Variants in GMEB1 observed in about 807,000 individuals in gnomAD.
GMEB1 encodes the protein glucocorticoid modulatory element binding protein 1, also known as glucocorticoid modulatory element-binding protein 1.
GMEB1 carries 6 observed loss-of-function variants against 52.4 expected under a neutral mutation model. The ratio of observed to expected loss-of-function variants is 0.11; its 90% CI spans 0.06 to 0.23. The LOEUF is 0.23. Among genes scored for constraint, GMEB1 ranks in the 10% least tolerant of loss-of-function variants. The probability of loss-of-function intolerance (pLI) is 1.00; values close to 1 mark genes in which losing one functional copy is unlikely to be tolerated. For missense variants in GMEB1, 486 were observed against 685.6 expected (o/e 0.71, Z 3.25); for synonymous variants, 255 against 244.9 (o/e 1.04, Z -0.38).
chr1:28,687,623 T>G (rs1669745934), intron 2 of GMEB1, among the ~76,000 whole-genome samples: 1 of 151,892 alleles, frequency 6.6e-6, no homozygotes. Flanking sequence ...TTGAGGGATT[T>G]TAAGGAGGAA....
intron 1 of GMEB1, among the ~76,000 whole-genome samples, chr1:28,675,058 T>C (rs1313116203): frequency 6.3e-3 from 577 of 91,124 alleles, no homozygotes; most frequent in Middle Eastern, 0.027. Flanking sequence ...TGCTCTGTCG[T>C]CCAGGCTGGA....
At chr1:28,692,064 G>T (rs1669992608) in intron 4 of GMEB1, among the ~76,000 whole-genome samples, 1 of 150,334 alleles carries the variant, frequency 6.7e-6, no homozygotes, top group Admixed American at 6.7e-5. Flanking sequence ...AGGCTAGAGT[G>T]CAGTGACATG....
intron 7 of GMEB1, among the ~76,000 whole-genome samples, chr1:28,703,057 A>G (rs1418963439): frequency 1.3e-5 from 2 of 152,176 alleles, no homozygotes; most frequent in Admixed American, 1.3e-4. Context: ...GAATTTAGAA[A>G]GGTTCAGCAA....
intron 1 of GMEB1, among the ~76,000 whole-genome samples, chr1:28,682,529 G>A (rs1465891107): frequency 1.3e-5 from 2 of 151,484 alleles, no homozygotes; most frequent in Non-Finnish European, 2.9e-5. Context: ...GGGTGAGGCA[G>A]GAGAATCGCT....
Position 28,717,565 on chromosome 1 carries a change from T to A in GMEB1, c.*2792T>A, listed in dbSNP as rs753728414. The A allele has an allele frequency of 2.6e-5, 4 of 152,236 alleles. No homozygotes were observed. The highest frequency in any genetic ancestry group is 5.9e-5 in the Non-Finnish European group (4 of 68,046). 9.4% of individuals were successfully genotyped at this position (152,236 alleles called of 1,614,324 possible). ...TTCAGTTTTTAAATAGTCTGGGGTT[T>A]TATTTTTCTTTTCAAAATATCTAAT... is the stretch of plus-strand genomic sequence containing the variant. On this transcript the variant is annotated 3_prime_UTR_variant, in exon 10 of 10. Coordinates refer to ENST00000373816, the MANE Select transcript of GMEB1 (RefSeq NM_001319674.2).
rs1260469153 is a variant in GMEB1 at position 28,719,301 on chromosome 1, C to T, written c.*4528C>T. 3 of 152,214 alleles carry T rather than the reference C, an allele frequency of 2.0e-5. No homozygotes were observed. The highest frequency in any genetic ancestry group is 7.2e-5 in the African/African-American group (3 of 41,430). The allele number at this position is 152,214 out of a possible 1,614,324, so 9.4% of individuals were successfully genotyped here. On this transcript the variant is annotated 3_prime_UTR_variant, in exon 10 of 10. Coordinates refer to ENST00000373816, the MANE Select transcript of GMEB1 (RefSeq NM_001319674.2). ...AAGCTCCACCCACTCCTAAAAACAC[C>T]AGTCATTCTGAAGTAAAAAATGGAC...
intron 5 of GMEB1, among the ~76,000 whole-genome samples, chr1:28,696,375 C>A (rs951429840): frequency 6.6e-6 from 1 of 151,990 alleles, no homozygotes; most frequent in Non-Finnish European, 1.5e-5. Flanking sequence ...CTGAGGAATA[C>A]CTTTAACTTT....
intron 1 of GMEB1, 115 bp from the exon 2 acceptor site, chr1:28,683,465 TCCG>T: frequency 1.3e-6 from 1 of 744,568 alleles, no homozygotes; most frequent in Non-Finnish European, 2.2e-6. Flanking sequence ...CCTCAGGCGA[TCCG>T]CCTGCCTAGC....
In GMEB1 at chr1:28,674,708, CTTTTTTTTTTTTTTT is replaced by C. The variant is rs34267851; in HGVS notation, c.-31+5883_-31+5897del. Among the ~76,000 whole-genome samples, 16 of 49,134 alleles carry C rather than the reference CTTTTTTTTTTTTTTT, an allele frequency of 3.3e-4. 1 individual carries two copies. The South Asian group carries it at 0.01, about 31-fold the overall frequency. 32.2% of individuals were successfully genotyped at this position (49,134 alleles called of 152,430 possible). A position where few individuals can be genotyped will look rare whatever the true frequency, so the allele number is the denominator to read the frequency against. On this transcript the variant is annotated intron_variant, in intron 1 of 9. Transcript: ENST00000373816. ...CCGTGCCCGGCCAGAATAGTTAATT[CTTTTTTTTTTTTTTT>C]TTTTTTTTTTTTTGAGACGGAGTCT...
Position 28,687,383 on chromosome 1 carries a change from C to CAA in GMEB1, c.129-2720_129-2719insAA, listed in dbSNP as rs1435336898. On this transcript the variant is annotated intron_variant, in intron 2 of 9. Coordinates refer to ENST00000373816, the MANE Select transcript of GMEB1 (RefSeq NM_001319674.2). ...ACACACACACACACACACACACACA[C>CAA]ACACAAAAAAAGACAGTGGAGAATA... Among the ~76,000 whole-genome samples, 89 of 35,176 alleles carry CAA rather than the reference C, an allele frequency of 2.5e-3. 7 individuals carry two copies. The highest frequency in any genetic ancestry group is 3.2e-3 in the East Asian group (2 of 624). 23.1% of individuals were successfully genotyped at this position (35,176 alleles called of 152,430 possible).
chr1:28,693,774 A>G (rs1670075212), intron 5 of GMEB1, among the ~76,000 whole-genome samples: 1 of 152,192 alleles, frequency 6.6e-6, no homozygotes, highest in Non-Finnish European at 1.5e-5. Flanking sequence ...TAACAGGGAA[A>G]ACAAAAAAAG....
chr1:28,674,891 TG>T (rs1384406480), intron 1 of GMEB1, among the ~76,000 whole-genome samples: 2 of 144,138 alleles, frequency 1.4e-5, no homozygotes, highest in African/African-American at 5.1e-5. Flanking sequence ...GCTAATTTTT[TG>T]TATTTTTAGT....
chr1:28,681,731 T>G (rs1251328232), intron 1 of GMEB1, among the ~76,000 whole-genome samples: 1 of 152,078 alleles, frequency 6.6e-6, no homozygotes, highest in Non-Finnish European at 1.5e-5. Flanking sequence ...AGACGGAGTT[T>G]CGCTCTTGTT....
At chr1:28,669,617 C>T (rs570088943) in intron 1 of GMEB1, among the ~76,000 whole-genome samples, 49 of 152,046 alleles carry the variant, frequency 3.2e-4, no homozygotes, top group Non-Finnish European at 5.0e-4. Flanking sequence ...CACAGATGAG[C>T]GCGTGGTAGG....
At chr1:28,709,351 C>T (rs1262821847) in intron 8 of GMEB1, among the ~76,000 whole-genome samples, 1 of 151,836 alleles carries the variant, frequency 6.6e-6, no homozygotes, top group African/African-American at 2.4e-5. Flanking sequence ...ATGCCAGTCC[C>T]CATGTTTGAC....
rs1207915149 is a variant in GMEB1 at position 28,710,545 on chromosome 1, A to T, written c.894A>T (p.Ala298=). 1 of 1,610,260 alleles carries T rather than the reference A, an allele frequency of 6.2e-7. No individual in the cohort carries two copies. Among genetic ancestry groups the T allele is most frequent in the South Asian group, 1.1e-5 (1 of 90,128 alleles). ...VTDAAVLNNV[A]HTFGLMDTVK... is the part of the protein sequence containing the mutation. ...ATGCTGCTGTTCTCAACAATGTAGCACACACATTTGGCCTAATGGACACAG... is the reference window on the plus strand; with the variant it reads ...ATGCTGCTGTTCTCAACAATGTAGCTCACACATTTGGCCTAATGGACACAG... The change falls in exon 9 of 10, where the codon GCA becomes GCT. Residue 298 remains alanine, a synonymous_variant. Transcript: ENST00000373816.
chr1:28,693,064 C>G lies in GMEB1; in HGVS notation c.440+19C>G. On this transcript the variant is annotated intron_variant, in intron 5 of 9. Coordinates refer to ENST00000373816, the MANE Select transcript of GMEB1 (RefSeq NM_001319674.2). ...TGCTCAGGTAAGCTCTAATGTCAAG[C>G]ACATACCTTTCAACAAACTTTGGGG... is the stretch of plus-strand genomic sequence containing the variant. The G allele has an allele frequency of 7.6e-7, 1 of 1,318,780 alleles. No individual in the cohort carries two copies. The highest frequency in any genetic ancestry group is 1.4e-5 in the South Asian group (1 of 74,012). 81.7% of individuals were successfully genotyped at this position (1,318,780 alleles called of 1,614,324 possible). A position where few individuals can be genotyped will look rare whatever the true frequency, so the allele number is the denominator to read the frequency against.
intron 1 of GMEB1, among the ~76,000 whole-genome samples, chr1:28,670,089 T>G (rs936351359): frequency 6.6e-6 from 1 of 152,224 alleles, no homozygotes; most frequent in Non-Finnish European, 1.5e-5. Context: ...AATTCTAGTC[T>G]TGAGGGATTA....
intron 8 of GMEB1, among the ~76,000 whole-genome samples, chr1:28,708,472 T>C (rs1187006762): frequency 1.4e-5 from 2 of 147,634 alleles, no homozygotes; most frequent in South Asian, 4.3e-4. Context: ...CCCAATTTTG[T>C]TTTTTTGAGA....
Sources: allele counts gnomAD v4.1 joint callset (sites outside exome capture counted in the v4.1 genomes callset), GRCh38; gene constraint gnomAD v4.1.1; transcripts MANE v1.5; gene names NCBI Gene and HGNC (gene_info 2026-07-23, HGNC 2026-07-21).